The following DOCK8 variants were observed in gnomAD, a reference collection of about 807,000 sequenced individuals.
DOCK8 encodes the protein dedicator of cytokinesis 8, also known as dedicator of cytokinesis protein 8.
DOCK8 carries 141 observed loss-of-function variants against 245.6 expected under a neutral mutation model. That is an observed-to-expected ratio of 0.57 (90% confidence interval 0.50 to 0.66). DOCK8 has a LOEUF of 0.66. DOCK8 is among the 30% of genes least tolerant of loss of function. DOCK8 has a pLI of 0.00. For synonymous variants in DOCK8, 1,168 were observed against 970.2 expected (o/e 1.20, Z -3.79); for missense variants, 2,965 against 2,603.4 (o/e 1.14, Z -3.02).
In DOCK8 at chr9:426,779, G is replaced by T. The variant is rs562943235; in HGVS notation, c.4242-106G>T. On this transcript the variant is annotated intron_variant, in intron 33 of 47. Coordinates refer to ENST00000432829, the MANE Select transcript of DOCK8 (RefSeq NM_203447.4). ...CCAGTTGCTCTGTTTTCATTTCAAGGTTGACTATTTTGGAGATTTCTTTAC... is the reference window on the plus strand; with the variant it reads ...CCAGTTGCTCTGTTTTCATTTCAAGTTTGACTATTTTGGAGATTTCTTTAC... 5 of 877,176 alleles carry T rather than the reference G, an allele frequency of 5.7e-6. No individual in the cohort carries two copies. The East Asian group carries it at 1.3e-4, about 22-fold the overall frequency. The allele number at this position is 877,176 out of a possible 1,614,324, so 54.3% of individuals were successfully genotyped here.
chr9:235,043 C>T (rs1759222425), intron 1 of DOCK8, among the ~76,000 whole-genome samples: 1 of 152,114 alleles, frequency 6.6e-6, no homozygotes, highest in African/African-American at 2.4e-5. Context: ...TACCTTTGGT[C>T]TTTGATGATG....
chr9:310,789 G>C lies in DOCK8; in HGVS notation c.529-1165G>C, dbSNP rs531026070. 9.9e-5 allele frequency among the ~76,000 whole-genome samples: 15 copies of C among 152,248 alleles called. No homozygotes were observed. In the South Asian group the frequency reaches 2.1e-3, roughly 21 times the overall value. ...GTACATTATTACAGAAGCTAGATGT[G>C]CACTTTAAATTATTATCAGAAAATT... On this transcript the variant is annotated intron_variant, in intron 5 of 47. Transcript: ENST00000432829.
chr9:240,138 T>C (rs1030358116), intron 1 of DOCK8, among the ~76,000 whole-genome samples: 1 of 152,212 alleles, frequency 6.6e-6, no homozygotes, highest in East Asian at 1.9e-4. Flanking sequence ...CTTTAAAAGG[T>C]TAAAGATATT....
At chr9:301,977 CA>C (rs2049567902) in intron 4 of DOCK8, among the ~76,000 whole-genome samples, 1 of 149,996 alleles carries the variant, frequency 6.7e-6, no homozygotes, top group Non-Finnish European at 1.5e-5. Context: ...ATCATTTTTT[CA>C]CAGAATTTAA....
rs527996650 is a variant in DOCK8, at chr9:403,976, G to A, written c.3235-942G>A. On this transcript the variant is annotated intron_variant, in intron 26 of 47. Transcript: ENST00000432829. ...TATATATATGTATATATATATATAT[G>A]TGTATATATATATATGTGTATATAT... is the stretch of plus-strand genomic sequence containing the variant. 2.7e-3 allele frequency among the ~76,000 whole-genome samples: 178 copies of A among 66,790 alleles called. 5 individuals carry two copies. Among genetic ancestry groups the A allele is most frequent in the African/African-American group, 0.017 (167 of 10,092 alleles). The allele number at this position is 66,790 out of a possible 152,430, so 43.8% of individuals were successfully genotyped here. A position where few individuals can be genotyped will look rare whatever the true frequency, so the allele number is the denominator to read the frequency against.
rs1271477972 is a variant in DOCK8 at position 306,787 on chromosome 9, A to G, written c.528+2083A>G. On this transcript the variant is annotated intron_variant, in intron 5 of 47. Coordinates refer to ENST00000432829, the MANE Select transcript of DOCK8 (RefSeq NM_203447.4). ...TGATGCTGCTGGTCCCAGGACCACA[A>G]TTTGAGGACTGCAGGTCTAGGGGAA... 2.6e-5 allele frequency among the ~76,000 whole-genome samples: 4 copies of G among 152,310 alleles called. No individual in the cohort carries two copies. In the East Asian group the frequency reaches 7.7e-4, roughly 29 times the overall value.
At position 221,429 on chromosome 9, in the gene DOCK8, T is replaced by C. The variant is rs148548255; in HGVS notation, c.53+6400T>C. Among the ~76,000 whole-genome samples the C allele has an allele frequency of 3.9e-5, 6 of 152,316 alleles. No individual in the cohort carries two copies. In the East Asian group the frequency reaches 7.7e-4, roughly 20 times the overall value. On this transcript the variant is annotated intron_variant, in intron 1 of 47. Transcript: ENST00000432829. ...TGAACATGTACAGACTTTTTTCTTG[T>C]CATTATTCCATACAAAATATAGTAT...
At chr9:291,108 A>G (rs2049020076) in intron 4 of DOCK8, among the ~76,000 whole-genome samples, 1 of 152,232 alleles carries the variant, frequency 6.6e-6, no homozygotes, top group African/African-American at 2.4e-5. Flanking sequence ...AAATGCTATC[A>G]TTAGAGGTAC....
At position 370,210 on chromosome 9, in the gene DOCK8, C is replaced by G. The variant is rs1189212952; in HGVS notation, c.1798-20C>G. The G allele has an allele frequency of 2.5e-6, 4 of 1,606,534 alleles. No individual in the cohort carries two copies. In the East Asian group the frequency reaches 6.7e-5, roughly 27 times the overall value. On this transcript the variant is annotated intron_variant, in intron 15 of 47. Coordinates refer to ENST00000432829, the MANE Select transcript of DOCK8 (RefSeq NM_203447.4). ...CCCAAATGTTACTGATAATTTGATC[C>G]TTTCTCTACTGGTGAACAGGTCATC... is the stretch of plus-strand genomic sequence containing the variant.
intron 23 of DOCK8, 135 bp downstream of exon 23, chr9:386,561 A>G (rs2053964319): frequency 1.4e-6 from 1 of 734,576 alleles, no homozygotes; most frequent in Admixed American, 2.1e-5. Context: ...CACACCCCAC[A>G]CACACTTTTG....
intron 2 of DOCK8, among the ~76,000 whole-genome samples, chr9:285,226 T>A (rs2130265767): frequency 6.6e-6 from 1 of 152,322 alleles, no homozygotes; most frequent in East Asian, 1.9e-4. Context: ...GGACGAGGCC[T>A]GCCACATCTC....
chr9:428,572 G>T lies in DOCK8; in HGVS notation c.4473+76G>T, dbSNP rs1179212760. The T allele has an allele frequency of 2.5e-6, 4 of 1,571,622 alleles. No individual in the cohort carries two copies. In the African/African-American group the frequency reaches 4.1e-5, roughly 16 times the overall value. On this transcript the variant is annotated intron_variant, in intron 35 of 47. Transcript: ENST00000432829. Reference sequence around the variant, plus strand: ...ATCTAGCTTCATACTTCTCTCTTCAGGTGGACCAAAAGTCACAGAGCATAT... The same window carrying T: ...ATCTAGCTTCATACTTCTCTCTTCATGTGGACCAAAAGTCACAGAGCATAT...
At chr9:248,460 T>C (rs1262913531) in intron 1 of DOCK8, among the ~76,000 whole-genome samples, 2 of 151,094 alleles carry the variant, frequency 1.3e-5, no homozygotes, top group African/African-American at 4.9e-5. Context: ...CTTCCTTCCT[T>C]CCTTCCTCCC....
chr9:426,136 T>C (rs982457490), intron 33 of DOCK8, among the ~76,000 whole-genome samples: 4 of 152,244 alleles, frequency 2.6e-5, no homozygotes, highest in South Asian at 4.1e-4. Context: ...CCTTTACAGC[T>C]TCACTTAGAT....
chr9:451,433 G>C (rs1564084434), intron 45 of DOCK8, among the ~76,000 whole-genome samples: 1 of 152,012 alleles, frequency 6.6e-6, no homozygotes, highest in African/African-American at 2.4e-5. Context: ...GACCAGCCTG[G>C]GCAATGTGGC....
At chr9:276,321 C>T (rs2048345013) in intron 2 of DOCK8, among the ~76,000 whole-genome samples, 1 of 152,178 alleles carries the variant, frequency 6.6e-6, no homozygotes, top group African/African-American at 2.4e-5. Flanking sequence ...ACTAACCCTA[C>T]AGATATATCC....
intron 4 of DOCK8, among the ~76,000 whole-genome samples, chr9:304,244 G>A (rs1264405595): frequency 6.6e-6 from 1 of 152,116 alleles, no homozygotes; most frequent in African/African-American, 2.4e-5. Flanking sequence ...CACATTGCTA[G>A]ATTTATTCCA....
At chr9:301,501 C>T (rs973918263) in intron 4 of DOCK8, among the ~76,000 whole-genome samples, 3 of 152,154 alleles carry the variant, frequency 2.0e-5, no homozygotes, top group African/African-American at 7.2e-5. Flanking sequence ...CCAGAGAAAT[C>T]AGGCAAGAAA....
chr9:235,403 A>G (rs1563828939), intron 1 of DOCK8, among the ~76,000 whole-genome samples: 1 of 152,108 alleles, frequency 6.6e-6, no homozygotes, highest in Non-Finnish European at 1.5e-5. Flanking sequence ...GTGCTGGGAG[A>G]ACCACTCCTC....
Sources: gnomAD v4.1 joint callset for allele counts (sites outside exome capture counted in the v4.1 genomes callset) on GRCh38, gnomAD v4.1.1 for gene constraint, MANE v1.5 for transcripts, NCBI Gene and HGNC (gene_info 2026-07-23, HGNC 2026-07-21) for gene names.